PCDHGA5: variants seen among roughly 807,000 people sequenced by gnomAD.
PCDHGA5 encodes the protein protocadherin gamma-A5.
A neutral mutation model predicts 56.7 loss-of-function variants in PCDHGA5; 36 were observed. The observed-to-expected ratio is 0.64, with a 90% confidence interval of 0.49 to 0.84. The LOEUF (loss-of-function observed/expected upper bound fraction) is 0.84, where lower values mean the gene tolerates loss of function less well. Among genes scored for constraint, PCDHGA5 ranks in the 40% least tolerant of loss-of-function variants. The probability of loss-of-function intolerance (pLI) is 0.00; values close to 1 mark genes in which losing one functional copy is unlikely to be tolerated. For synonymous variants in PCDHGA5, 563 were observed against 520.2 expected (o/e 1.08, Z -1.12); for missense variants, 1,305 against 1,201.5 (o/e 1.09, Z -1.27).
rs1211398299 is a variant in PCDHGA5 at position 141,420,143 on chromosome 5, A to G, written c.2421+53392A>G. The G allele has an allele frequency of 1.2e-6, 2 of 1,614,052 alleles. No homozygotes were observed. The highest frequency in any genetic ancestry group is 2.2e-5 in the East Asian group (1 of 44,888). On this transcript the variant is annotated intron_variant, in intron 1 of 3. Transcript: ENST00000518069. The stretch of plus-strand genomic sequence containing the variant: ...TTTTTGTGTGCCTGGGGATCAAATG[A>G]ATCCAGAATTTAATTTTTTCACATC...
At chr5:141,461,063 C>T (rs1472437531) in intron 1 of PCDHGA5, among the ~76,000 whole-genome samples, 1 of 151,796 alleles carries the variant, frequency 6.6e-6, no homozygotes, top group Non-Finnish European at 1.5e-5. Flanking sequence ...GTTGGTTTCA[C>T]ATTTTTGCAA....
rs138831045 is a variant in PCDHGA5 at position 141,462,238 on chromosome 5, G to A, written c.2422-32569G>A. Among the ~76,000 whole-genome samples the A allele has an allele frequency of 2.9e-3, 441 of 152,288 alleles. 3 individuals carry two copies. Among genetic ancestry groups the A allele is most frequent in the African/African-American group, 9.9e-3 (412 of 41,566 alleles). On this transcript the variant is annotated intron_variant, in intron 1 of 3. Coordinates refer to ENST00000518069, the MANE Select transcript of PCDHGA5 (RefSeq NM_018918.3). ...GCCTCCCAAAGTGCAGGGATTACAG[G>A]TATGAGCCACCATGACCAGCCTAAA...
At chr5:141,446,624 G>C (rs1433894248) in intron 1 of PCDHGA5, among the ~76,000 whole-genome samples, 1 of 151,930 alleles carries the variant, frequency 6.6e-6, no homozygotes, top group African/African-American at 2.4e-5. Flanking sequence ...CTACAGGCGT[G>C]CACCACCACG....
rs1452737362 is a variant in PCDHGA5, at chr5:141,432,324, A to G, written c.2422-62483A>G. On this transcript the variant is annotated intron_variant, in intron 1 of 3. Transcript: ENST00000518069. The surrounding 1 kb of genome is among the most constrained non-coding windows in gnomAD (Gnocchi z 6.0). ...CTGTATGCGCTGAGCTCCTTCGACTACGAGCAGTTCCGAGACTTGCAAGTG... is the reference window on the plus strand; with the variant it reads ...CTGTATGCGCTGAGCTCCTTCGACTGCGAGCAGTTCCGAGACTTGCAAGTG... 3 of 1,614,058 alleles carry G rather than the reference A, an allele frequency of 1.9e-6. No homozygotes were observed. The highest frequency in any genetic ancestry group is 2.7e-5 in the African/African-American group (2 of 74,910).
At chr5:141,411,631 C>G (rs570915798) in intron 1 of PCDHGA5, 1 of 151,812 alleles carries the variant, frequency 6.6e-6, no homozygotes, top group South Asian at 2.1e-4. Context: ...TGCTGTAATC[C>G]CAGCACTTTG....
At chr5:141,417,874 C>G in intron 1 of PCDHGA5, 9 of 1,555,320 alleles carry the variant, frequency 5.8e-6, no homozygotes, top group Non-Finnish European at 7.8e-6. Context: ...GAGGGAGCTG[C>G]GCGCAGAGGC....
intron 1 of PCDHGA5, chr5:141,468,381 G>A (rs1297428363): frequency 2.0e-5 from 3 of 149,754 alleles, no homozygotes; most frequent in South Asian, 2.1e-4. Flanking sequence ...AGCCATACAA[G>A]GCTACCCATT....
chr5:141,495,412 G>A lies in PCDHGA5; in HGVS notation c.2480+547G>A, dbSNP rs188302135. 2.2e-4 allele frequency among the ~76,000 whole-genome samples: 33 copies of A among 152,284 alleles called. No homozygotes were observed. The East Asian group carries it at 6.4e-3, about 29-fold the overall frequency. ...GGCATGGAGCAGGCCCCCTTCTCCG[G>A]CCCCTCCTCCCACTGTCCTCTGCCC... On this transcript the variant is annotated intron_variant, in intron 2 of 3. Coordinates refer to ENST00000518069, the MANE Select transcript of PCDHGA5 (RefSeq NM_018918.3).
chr5:141,489,431 T>C lies in PCDHGA5; in HGVS notation c.2422-5376T>C. 6.2e-7 allele frequency: 1 copy of C among 1,614,132 alleles called. No individual in the cohort carries two copies. Among genetic ancestry groups the C allele is most frequent in the Non-Finnish European group, 8.5e-7 (1 of 1,180,024 alleles). On this transcript the variant is annotated intron_variant, in intron 1 of 3. Transcript: ENST00000518069. This position sits in a 1 kb window ranked among gnomAD's most constrained non-coding sequence, Gnocchi z 4.5. ...ATGACAGATCTGTTGAGCCGGCGGC[T>C]GCAATTGGGCTCTGAGGAGAATGGG...
In PCDHGA5 at chr5:141,511,618, T is replaced by C. The variant is rs1227028784; in HGVS notation, c.*445T>C. 4.3e-6 allele frequency: 1 copy of C among 232,232 alleles called. No homozygotes were observed. Among genetic ancestry groups the C allele is most frequent in the East Asian group, 9.9e-5 (1 of 10,122 alleles). 14.4% of individuals were successfully genotyped at this position (232,232 alleles called of 1,614,324 possible). A position where few individuals can be genotyped will look rare whatever the true frequency, so the allele number is the denominator to read the frequency against. ...AAGTAACCTACAAGCCTCCTAGTTCTGAAAAGTTGGAAGGGCATCATGACC... is the reference window on the plus strand; with the variant it reads ...AAGTAACCTACAAGCCTCCTAGTTCCGAAAAGTTGGAAGGGCATCATGACC... On this transcript the variant is annotated 3_prime_UTR_variant, in exon 4 of 4. Transcript: ENST00000518069.
chr5:141,404,227 A>G, intron 1 of PCDHGA5: 3 of 1,613,818 alleles, frequency 1.9e-6, no homozygotes, highest in East Asian at 2.2e-5. Context: ...TGACTGCAAC[A>G]GACAGAGGAA....
At chr5:141,499,461 A>G (rs1448103747) in intron 2 of PCDHGA5, among the ~76,000 whole-genome samples, 2 of 152,226 alleles carry the variant, frequency 1.3e-5, no homozygotes. Flanking sequence ...TCATTTTACA[A>G]TCTAGGGAGA....
intron 2 of PCDHGA5, among the ~76,000 whole-genome samples, chr5:141,498,956 AGAGG>A (rs1198207839): frequency 1.1e-4 from 14 of 124,162 alleles, no homozygotes; most frequent in East Asian, 2.7e-4. Context: ...AAAAAGAGAG[AGAGG>A]GAGGGAGGGA....
intron 1 of PCDHGA5, chr5:141,388,795 C>G (rs1204065309): frequency 6.2e-7 from 1 of 1,613,716 alleles, no homozygotes; most frequent in Non-Finnish European, 8.5e-7. Flanking sequence ...GTTTTAAATA[C>G]ATTAGATTTT....
intron 1 of PCDHGA5, among the ~76,000 whole-genome samples, chr5:141,480,730 G>T (rs1261461187): frequency 6.6e-6 from 1 of 152,168 alleles, no homozygotes; most frequent in Non-Finnish European, 1.5e-5. Flanking sequence ...GTCTCTGGGG[G>T]TGGGACATAG....
At chr5:141,389,146 C>G (rs567517174) in intron 1 of PCDHGA5, 2 of 1,613,996 alleles carry the variant, frequency 1.2e-6, no homozygotes, top group Non-Finnish European at 1.7e-6. Context: ...ATAACCGTTA[C>G]GGCAACAGAT....
Position 141,429,441 on chromosome 5 carries a change from T to C in PCDHGA5, c.2421+62690T>C, listed in dbSNP as rs541676798. On this transcript the variant is annotated intron_variant, in intron 1 of 3. Transcript: ENST00000518069. ...TGTTGCCCAGGCTGGACTCAAACTCTTGGGCTACAGTAATCCTCCCACCTC... is the reference window on the plus strand; with the variant it reads ...TGTTGCCCAGGCTGGACTCAAACTCCTGGGCTACAGTAATCCTCCCACCTC... 1.5e-4 allele frequency among the ~76,000 whole-genome samples: 23 copies of C among 152,170 alleles called. No individual in the cohort carries two copies. The South Asian group carries it at 4.6e-3, about 30-fold the overall frequency.
intron 1 of PCDHGA5, among the ~76,000 whole-genome samples, chr5:141,442,913 AACT>A (rs1163578304): frequency 6.6e-6 from 1 of 152,214 alleles, no homozygotes. Flanking sequence ...TTCAGCACAC[AACT>A]GTTTCATTTT....
rs1259021130 is a variant in PCDHGA5 at position 141,485,083 on chromosome 5, G to C, written c.2422-9724G>C. ...GCGCCAGAGCTGGCGCGGGGAAAGG[G>C]AGATAGGTGTCTCCAGCTGCTGTGG... On this transcript the variant is annotated intron_variant, in intron 1 of 3. Coordinates refer to ENST00000518069, the MANE Select transcript of PCDHGA5 (RefSeq NM_018918.3). The surrounding 1 kb of genome is among the most constrained non-coding windows in gnomAD (Gnocchi z 5.7). The C allele has an allele frequency of 1.0e-6, 1 of 989,386 alleles. No homozygotes were observed. The highest frequency in any genetic ancestry group is 1.6e-5 in the African/African-American group (1 of 61,992). 61.3% of individuals were successfully genotyped at this position (989,386 alleles called of 1,614,324 possible).
Sources: allele counts gnomAD v4.1 joint callset (sites outside exome capture counted in the v4.1 genomes callset), GRCh38; gene constraint gnomAD v4.1.1; non-coding constraint Gnocchi (gnomAD v3.1); transcripts MANE v1.5; gene names NCBI Gene and HGNC (gene_info 2026-07-23, HGNC 2026-07-21).